The following TMEM30A variants were observed in gnomAD, a reference collection of about 807,000 sequenced individuals.
TMEM30A encodes the protein cell cycle control protein 50A.
Under a neutral mutation model 38.2 loss-of-function variants are expected in TMEM30A, and 24 were observed. The observed-to-expected ratio is 0.63, with a 90% CI of 0.46 to 0.88. TMEM30A has a LOEUF of 0.88. Ranked by LOEUF, TMEM30A falls within the 40% of genes least tolerant of loss-of-function variation. The pLI is 0.00. For synonymous variants in TMEM30A, 145 were observed against 161.6 expected (o/e 0.90, Z 0.78); for missense variants, 370 against 458.6 (o/e 0.81, Z 1.77).
intron 3 of TMEM30A, among the ~76,000 whole-genome samples, chr6:75,263,597 C>T (rs937994112): frequency 9.2e-5 from 14 of 152,074 alleles, no homozygotes; most frequent in Non-Finnish European, 1.6e-4. Flanking sequence ...TCCAGGGAAA[C>T]AGTAAAAATG....
Position 75,256,263 on chromosome 6 carries a change from G to A in TMEM30A, c.925C>T (p.Arg309Trp), listed in dbSNP as rs1419781612. The A allele has an allele frequency of 1.5e-5, 24 of 1,613,294 alleles. No homozygotes were observed. The highest frequency in any genetic ancestry group is 4.5e-5 in the East Asian group (2 of 44,842). ...YPVHYFDGRK[R>W]MILSTISWMG... ...CATGAAATAGTGCTCAAGATCATCC[G>A]TTTTCGTCCATCAAAATAATGTACA... The change falls in exon 7 of 7, where the codon CGG (arginine) becomes TGG (tryptophan). Residue 309 changes from arginine to tryptophan, a missense_variant. Arg to Trp is a moderately radical substitution (Grantham distance 101). Transcript: ENST00000230461.
At chr6:75,260,669 A>T (rs1771949992) in intron 4 of TMEM30A, among the ~76,000 whole-genome samples, 155 bp downstream of exon 4, 1 of 152,224 alleles carries the variant, frequency 6.6e-6, no homozygotes, top group Non-Finnish European at 1.5e-5. Context: ...TCAAAAGAAA[A>T]TCACAAATCA....
chr6:75,276,992 C>T (rs527938443), intron 1 of TMEM30A, among the ~76,000 whole-genome samples: 1 of 148,562 alleles, frequency 6.7e-6, no homozygotes, highest in Non-Finnish European at 1.5e-5. Context: ...TCTTTTGGTT[C>T]TTTATTCAAA....
intron 1 of TMEM30A, among the ~76,000 whole-genome samples, chr6:75,282,195 C>T (rs1312167916): frequency 1.3e-5 from 2 of 152,154 alleles, no homozygotes; most frequent in African/African-American, 2.4e-5. Flanking sequence ...CAAAATTATA[C>T]CTAAGATCAC....
intron 4 of TMEM30A, among the ~76,000 whole-genome samples, 166 bp from the exon 5 acceptor site, chr6:75,259,656 T>C (rs1771931240): frequency 6.6e-6 from 1 of 152,244 alleles, no homozygotes; most frequent in African/African-American, 2.4e-5. Flanking sequence ...TTAACTATGG[T>C]AACTTTATAA....
At position 75,258,937 on chromosome 6, in the gene TMEM30A, A is replaced by G. The variant is rs1771916238; in HGVS notation, c.735T>C (p.Ser245=). ...TTATGAATCCATTATTATCTGGGTC[A>G]GAATCCAGCATGTAAACTGGTTTAA... ...NWLKPVYMLD[S]DPDNNGFINE... is the part of the protein sequence containing the mutation. Residue 245 remains serine, a synonymous_variant, in exon 6 of 7, where the codon TCT becomes TCC. Transcript: ENST00000230461. 6.2e-7 allele frequency: 1 copy of G among 1,613,818 alleles called. No individual in the cohort carries two copies. The highest frequency in any genetic ancestry group is 1.3e-5 in the African/African-American group (1 of 74,940).
chr6:75,257,330 A>C (rs1771883178), intron 6 of TMEM30A, among the ~76,000 whole-genome samples: 2 of 152,126 alleles, frequency 1.3e-5, no homozygotes, highest in South Asian at 4.1e-4. Context: ...GATGTTTTGC[A>C]GGTCCAAATT....
chr6:75,283,654 A>T (rs1441363968), intron 1 of TMEM30A, among the ~76,000 whole-genome samples: 1 of 135,668 alleles, frequency 7.4e-6, no homozygotes, highest in East Asian at 2.5e-4. Context: ...CTCTTTTTGT[A>T]AAAAAAAAAA....
chr6:75,269,261 T>C (rs557352285), intron 1 of TMEM30A, among the ~76,000 whole-genome samples: 101 of 152,194 alleles, frequency 6.6e-4, no homozygotes, highest in Non-Finnish European at 1.3e-3. Context: ...TATGTTATCA[T>C]ACGGAATAGT....
At chr6:75,263,936 G>T (rs532238143) in intron 3 of TMEM30A, among the ~76,000 whole-genome samples, 1 of 152,232 alleles carries the variant, frequency 6.6e-6, no homozygotes, top group Non-Finnish European at 1.5e-5. Context: ...CACCATTTCT[G>T]GGGTTTTGGA....
intron 2 of TMEM30A, among the ~76,000 whole-genome samples, chr6:75,267,090 A>T (rs16886374): frequency 0.011 from 1,659 of 152,270 alleles, 31 homozygotes; most frequent in Middle Eastern, 0.031. Context: ...GCCTATTCTG[A>T]ATCTTTATGT....
chr6:75,278,011 A>C (rs1772290855), intron 1 of TMEM30A, among the ~76,000 whole-genome samples: 1 of 152,230 alleles, frequency 6.6e-6, no homozygotes, highest in Non-Finnish European at 1.5e-5. Context: ...AGGTTGAAGA[A>C]AACAAGAGGA....
Position 75,280,465 on chromosome 6 carries a change from CAAT to C in TMEM30A, c.237+3934_237+3936del, listed in dbSNP as rs541150001. ...TTTATTGATAAAATTCAAAATGCAA[CAAT>C]AATATGTACAATTTTTTGGTAATAT... On this transcript the variant is annotated intron_variant, in intron 1 of 6. Coordinates refer to ENST00000230461, the MANE Select transcript of TMEM30A (RefSeq NM_018247.4). Among the ~76,000 whole-genome samples the C allele has an allele frequency of 5.9e-3, 900 of 152,192 alleles. 6 individuals are homozygous for C. Among genetic ancestry groups the C allele is most frequent in the African/African-American group, 0.021 (869 of 41,548 alleles).
intron 3 of TMEM30A, among the ~76,000 whole-genome samples, chr6:75,262,893 C>G (rs1268742847): frequency 6.6e-6 from 1 of 152,254 alleles, no homozygotes; most frequent in Non-Finnish European, 1.5e-5. Context: ...CTTCCATGTG[C>G]AAGCACGAGC....
chr6:75,253,339 G>A lies in TMEM30A; in HGVS notation c.*2763C>T, dbSNP rs1401651312. The A allele has an allele frequency of 2.0e-5, 3 of 152,054 alleles. No homozygotes were observed. The highest frequency in any genetic ancestry group is 4.4e-5 in the Non-Finnish European group (3 of 67,996). The allele number at this position is 152,054 out of a possible 1,614,324, so 9.4% of individuals were successfully genotyped here. ...ATCATGCTTACCTCTCTGTTTACTG[G>A]ACATTCCCCTTGATCTAATACCAAA... is the stretch of plus-strand genomic sequence containing the variant. On this transcript the variant is annotated 3_prime_UTR_variant, in exon 7 of 7. Transcript: ENST00000230461.
At chr6:75,257,056 T>G (rs1771879091) in intron 6 of TMEM30A, among the ~76,000 whole-genome samples, 1 of 152,206 alleles carries the variant, frequency 6.6e-6, no homozygotes, top group Non-Finnish European at 1.5e-5. Flanking sequence ...TTCTCTAGTT[T>G]CTTCAACTCT....
At chr6:75,263,244 G>A (rs1296313427) in intron 3 of TMEM30A, among the ~76,000 whole-genome samples, 1 of 152,220 alleles carries the variant, frequency 6.6e-6, no homozygotes, top group African/African-American at 2.4e-5. Flanking sequence ...AGGTAATGGT[G>A]AATGTAGCTG....
chr6:75,259,480 T>C lies in TMEM30A; in HGVS notation c.552A>G (p.Glu184=), dbSNP rs1437244877. The change falls in exon 5 of 7, where the codon GAA becomes GAG. Residue 184 remains glutamate (E), a synonymous_variant. Coordinates refer to ENST00000230461, the MANE Select transcript of TMEM30A (RefSeq NM_018247.4). ...AAGAATCATTGCCAATGAGAAACAA[T>C]TCTAATGTATCTAAACACAAGCAAA... ...IANSMFNDTL[E]LFLIGNDSYP... 1 of 1,605,110 alleles carries C rather than the reference T, an allele frequency of 6.2e-7. No homozygotes were observed. The highest frequency in any genetic ancestry group is 8.5e-7 in the Non-Finnish European group (1 of 1,176,826).
intron 1 of TMEM30A, 90 bp downstream of exon 1, chr6:75,284,311 TG>T: frequency 7.7e-7 from 1 of 1,295,524 alleles, no homozygotes; most frequent in Non-Finnish European, 1.1e-6. Context: ...GCCAGTCAAC[TG>T]GATTCTGGGC....
Sources: gnomAD v4.1 joint callset for allele counts (sites outside exome capture counted in the v4.1 genomes callset) on GRCh38, gnomAD v4.1.1 for gene constraint, MANE v1.5 for transcripts, NCBI Gene and HGNC (gene_info 2026-07-23, HGNC 2026-07-21) for gene names.